The following TUT4 variants were observed in gnomAD, a reference collection of about 807,000 sequenced individuals.
The protein encoded by TUT4 is terminal uridylyltransferase 4.
A neutral mutation model predicts 192.2 loss-of-function variants in TUT4; 36 were observed. The observed-to-expected ratio is 0.19, with a 90% CI of 0.14 to 0.25. The LOEUF is 0.25. TUT4 is among the 10% of genes least tolerant of loss of function. The probability of loss-of-function intolerance (pLI) is 1.00; values close to 1 mark genes in which losing one functional copy is unlikely to be tolerated. For synonymous variants in TUT4, 618 were observed against 666.0 expected, an observed-to-expected ratio of 0.93 and a Z score of 1.11; for missense variants, 1,493 against 1,957.2, an observed-to-expected ratio of 0.76 and a Z score of 4.47.
intron 6 of TUT4, among the ~76,000 whole-genome samples, 169 bp from the exon 7 acceptor site, chr1:52,493,831 G>A (rs1276447163): frequency 6.6e-6 from 1 of 151,334 alleles, no homozygotes; most frequent in African/African-American, 2.4e-5. Context: ...TTGAGATGAG[G>A]TTTCCCTGTA....
intron 1 of TUT4, among the ~76,000 whole-genome samples, chr1:52,530,207 C>T (rs966307129): frequency 4.7e-5 from 7 of 148,298 alleles, no homozygotes; most frequent in South Asian, 2.1e-4. Flanking sequence ...TGCAGTGAGC[C>T]GAGACCACGC....
Position 52,513,900 on chromosome 1 carries a change from C to T in TUT4, c.882+1991G>A, listed in dbSNP as rs552367165. ...CAATGGACAAAATTATAACACCTAG[C>T]GCATAGGGCTGTTATGAGGATTAAA... On this transcript the variant is annotated intron_variant, in intron 3 of 29. Coordinates refer to ENST00000257177, the MANE Select transcript of TUT4 (RefSeq NM_001009881.3). 3.4e-4 allele frequency among the ~76,000 whole-genome samples: 52 copies of T among 152,152 alleles called. No individual in the cohort carries two copies. In the South Asian group the frequency reaches 9.5e-3, roughly 28 times the overall value.
At chr1:52,527,556 A>G (rs1682141547) in intron 1 of TUT4, among the ~76,000 whole-genome samples, 1 of 152,158 alleles carries the variant, frequency 6.6e-6, no homozygotes, top group Non-Finnish European at 1.5e-5. Context: ...TGTCTCAAAA[A>G]CAACAACAAC....
At chr1:52,494,156 T>C (rs180751788) in intron 6 of TUT4, among the ~76,000 whole-genome samples, 257 of 152,160 alleles carry the variant, frequency 1.7e-3, no homozygotes, top group Non-Finnish European at 2.6e-3. Flanking sequence ...ATCTAATAAA[T>C]GATATAGCAC....
In TUT4 at chr1:52,461,475, A is replaced by C. The variant is rs1662546505; in HGVS notation, c.3231+38T>G. The C allele has an allele frequency of 3.2e-6, 5 of 1,557,056 alleles. No individual in the cohort carries two copies. In the Admixed American group the frequency reaches 7.3e-5, roughly 23 times the overall value. On this transcript the variant is annotated intron_variant, in intron 18 of 29. Transcript: ENST00000257177. ...AGTCAGTAATCTGTAAACTTTTAAA[A>C]TGAAAAGTATATACATGGCCTATAA...
chr1:52,430,431 C>T (rs1486214929), intron 28 of TUT4, among the ~76,000 whole-genome samples: 3 of 152,014 alleles, frequency 2.0e-5, no homozygotes, highest in Admixed American at 6.6e-5. Flanking sequence ...TACAGGCGTG[C>T]ACCACCACAC....
At chr1:52,483,513 C>A (rs565869755) in intron 9 of TUT4, among the ~76,000 whole-genome samples, 7 of 152,212 alleles carry the variant, frequency 4.6e-5, no homozygotes, top group Non-Finnish European at 7.4e-5. Flanking sequence ...CAACTGCACA[C>A]TGAAAATATT....
At position 52,477,997 on chromosome 1, in the gene TUT4, T is replaced by C; in HGVS notation, c.1849-115A>G. 3 of 997,876 alleles carry C rather than the reference T, an allele frequency of 3.0e-6. No individual in the cohort carries two copies. The East Asian group carries it at 7.8e-5, about 26-fold the overall frequency. 61.8% of individuals were successfully genotyped at this position (997,876 alleles called of 1,614,324 possible). A position where few individuals can be genotyped will look rare whatever the true frequency, so the allele number is the denominator to read the frequency against. On this transcript the variant is annotated intron_variant, in intron 11 of 29. Transcript: ENST00000257177. Reference sequence around the variant, plus strand: ...TTTCAAAAACTGAGACATGAAGGAGTAATTTGCCAAAAAGCAGTCAGTTTG... The same window carrying C: ...TTTCAAAAACTGAGACATGAAGGAGCAATTTGCCAAAAAGCAGTCAGTTTG...
At position 52,458,369 on chromosome 1, in the gene TUT4, C is replaced by T. The variant is rs771077537; in HGVS notation, c.3402G>A (p.Gln1134=). 6.2e-7 allele frequency: 1 copy of T among 1,613,916 alleles called. No homozygotes were observed. The highest frequency in any genetic ancestry group is 8.5e-7 in the Non-Finnish European group (1 of 1,179,912). Residue 1134 remains glutamine, a synonymous_variant, in exon 20 of 30, where the codon CAG becomes CAA. Transcript: ENST00000257177. ...YILMVLYFLQ[Q]RKPPVIPVLQ... ...GAACTGGGATAACAGGTGGCTTTCT[C>T]TGCTGCAGAAAGTACAGCACCATAA...
chr1:52,505,431 T>TG (rs2149262028), intron 4 of TUT4, among the ~76,000 whole-genome samples: 1 of 149,344 alleles, frequency 6.7e-6, no homozygotes, highest in South Asian at 2.2e-4. Flanking sequence ...TTTTTTTTTT[T>TG]TTTTTTTTGA....
intron 9 of TUT4, among the ~76,000 whole-genome samples, chr1:52,487,434 C>A (rs1285153547): frequency 1.3e-5 from 2 of 151,580 alleles, no homozygotes; most frequent in Non-Finnish European, 2.9e-5. Flanking sequence ...GTGACAGAGA[C>A]CTCATCTCAA....
chr1:52,550,511 T>G (rs1329450328), intron 1 of TUT4, among the ~76,000 whole-genome samples: 1 of 150,934 alleles, frequency 6.6e-6, no homozygotes, highest in Non-Finnish European at 1.5e-5. Flanking sequence ...TTTTTTTTTT[T>G]TTTTTGTTTA....
At chr1:52,543,656 G>A (rs1687309035) in intron 1 of TUT4, among the ~76,000 whole-genome samples, 2 of 151,706 alleles carry the variant, frequency 1.3e-5, no homozygotes, top group South Asian at 4.2e-4. Flanking sequence ...GGTAATTTTT[G>A]TATTTTTAGT....
chr1:52,446,188 A>C, intron 22 of TUT4, 77 bp downstream of exon 22: 1 of 1,431,192 alleles, frequency 7.0e-7, no homozygotes. Flanking sequence ...TCCAAATCCT[A>C]ATGTATTTCA....
chr1:52,424,055 A>G, intron 29 of TUT4, 53 bp from the exon 30 acceptor site: 3 of 1,537,716 alleles, frequency 2.0e-6, no homozygotes, highest in South Asian at 1.2e-5. Context: ...TGTTTATCTG[A>G]CAACACCTTA....
At chr1:52,469,061 G>C (rs1443819519) in intron 14 of TUT4, among the ~76,000 whole-genome samples, 5 of 152,016 alleles carry the variant, frequency 3.3e-5, no homozygotes, top group Admixed American at 1.3e-4. Flanking sequence ...AATGTAATTC[G>C]TTAACTTGTT....
Position 52,448,091 on chromosome 1 carries a change from AC to A in TUT4, c.3436-1425del, listed in dbSNP as rs151254214. On this transcript the variant is annotated intron_variant, in intron 20 of 29. Transcript: ENST00000257177. ...CTATGGCTTATCTCTGAAACCCAGA[AC>A]CCTACTAGACCAAAGCCACATAGAG... is the stretch of plus-strand genomic sequence containing the variant. Among the ~76,000 whole-genome samples the A allele has an allele frequency of 8.7e-3, 1,326 of 152,350 alleles. 22 individuals are homozygous for A. The highest frequency in any genetic ancestry group is 0.03 in the African/African-American group (1,257 of 41,570).
At chr1:52,489,533 G>A (rs1175589701) in intron 8 of TUT4, among the ~76,000 whole-genome samples, 1 of 152,154 alleles carries the variant, frequency 6.6e-6, no homozygotes, top group Non-Finnish European at 1.5e-5. Flanking sequence ...GTTATTTTCA[G>A]AGTAAAGATT....
rs774418972 is a variant in TUT4, at chr1:52,525,874, T to C, written c.407A>G (p.Asn136Ser). 1.2e-5 allele frequency: 19 copies of C among 1,614,004 alleles called. No homozygotes were observed. The highest frequency in any genetic ancestry group is 1.6e-4 in the Middle Eastern group (1 of 6,084). The change falls in exon 2 of 30, where the codon AAT becomes AGT. Residue 136 changes from asparagine (N) to serine (S), a missense_variant. Around this residue, in one of 7 missense-constraint regions of TUT4, gnomAD observed 260 missense variants for 247.8 expected, o/e 1.05. Transcript: ENST00000257177. The part of the protein sequence containing the change: ...AKAEKSPKSP[N>S]SVKAEKASSY... The stretch of plus-strand genomic sequence containing the variant: ...GGATGCTTTTTCTGCTTTCACTGAA[T>C]TAGGTGACTTTGGTGATTTTTCTGC...
Sources: gnomAD v4.1 joint callset for allele counts (sites outside exome capture counted in the v4.1 genomes callset) on GRCh38, gnomAD v4.1.1 for gene constraint, gnomAD v4.1.1 regional missense constraint, MANE v1.5 for transcripts, NCBI Gene and HGNC (gene_info 2026-07-23, HGNC 2026-07-21) for gene names.